Variants in SLC16A6 observed in about 807,000 individuals in gnomAD.
SLC16A6 encodes the protein monocarboxylate transporter 7.
SLC16A6 carries 15 observed loss-of-function variants against 33.8 expected under a neutral mutation model. The observed-to-expected ratio is 0.44, with a 90% CI of 0.30 to 0.68. The LOEUF is 0.68. Ranked by LOEUF, SLC16A6 falls within the 30% of genes least tolerant of loss-of-function variation. The pLI, the probability that SLC16A6 is intolerant of heterozygous loss-of-function variation, is 0.10. For synonymous variants in SLC16A6, 219 were observed against 248.4 expected, an observed-to-expected ratio of 0.88 and a Z score of 1.11; for missense variants, 451 against 661.5, an observed-to-expected ratio of 0.68 and a Z score of 3.49.
At chr17:68,277,721 G>A (rs542293708) in intron 2 of SLC16A6, among the ~76,000 whole-genome samples, 11 of 152,250 alleles carry the variant, frequency 7.2e-5, no homozygotes, top group Middle Eastern at 3.4e-3. Flanking sequence ...CACTGTGCCC[G>A]GCCATCAGCA....
rs1555748686 is a variant in SLC16A6 at position 68,271,458 on chromosome 17, T to C, written c.702A>G (p.Ser234=). 1 of 1,614,194 alleles carries C rather than the reference T, an allele frequency of 6.2e-7. No individual in the cohort carries two copies. The highest frequency in any genetic ancestry group is 1.7e-5 in the Admixed American group (1 of 60,020). The change falls in exon 5 of 6, where the codon TCA becomes TCG. Residue 234 remains serine, a synonymous_variant. Coordinates refer to ENST00000580666, the MANE Select transcript of SLC16A6 (RefSeq NM_004694.5). The surrounding 1 kb of genome is among the most constrained non-coding windows in gnomAD (Gnocchi z 5.3). The part of the protein sequence containing the change: ...YMLENEKTRT[S]IDSIDSGVEL... ...CTACTCCTGAGTCAATGGAGTCTAT[T>C]GAGGTTCGTGTTTTCTCATTTTCAA... is the stretch of plus-strand genomic sequence containing the variant.
rs150563882 is a variant in SLC16A6, at chr17:68,289,274, G to C, written c.-8+1812C>G. 3.4e-3 allele frequency among the ~76,000 whole-genome samples: 521 copies of C among 152,238 alleles called. 2 individuals carry two copies. The highest frequency in any genetic ancestry group is 0.012 in the African/African-American group (499 of 41,538). ...GATGACGCTACTGCACTCCCATGATGGGAGTGAGACCCTGCCTCTAAACAA... is the reference window on the plus strand; with the variant it reads ...GATGACGCTACTGCACTCCCATGATCGGAGTGAGACCCTGCCTCTAAACAA... On this transcript the variant is annotated intron_variant, in intron 1 of 5. Coordinates refer to ENST00000580666, the MANE Select transcript of SLC16A6 (RefSeq NM_004694.5).
At chr17:68,278,373 G>A in intron 1 of SLC16A6, 46 bp from the exon 2 acceptor site, 5 of 1,242,920 alleles carry the variant, frequency 4.0e-6, no homozygotes, top group African/African-American at 1.5e-5. Flanking sequence ...ATAGCATGAG[G>A]ATCGATGATT....
intron 2 of SLC16A6, 175 bp from the exon 3 acceptor site, chr17:68,274,245 C>T (rs1367485424): frequency 5.3e-6 from 3 of 566,310 alleles, no homozygotes; most frequent in East Asian, 3.0e-5. Flanking sequence ...GACGGAGGAT[C>T]GCTTGAGCCC....
At chr17:68,275,205 C>A (rs1360619505) in intron 2 of SLC16A6, among the ~76,000 whole-genome samples, 1 of 152,166 alleles carries the variant, frequency 6.6e-6, no homozygotes, top group Non-Finnish European at 1.5e-5. Context: ...GCTGTATCCC[C>A]TAGGACATTT....
rs1440786458 is a variant in SLC16A6, at chr17:68,272,734, A to G, written c.410T>C (p.Val137Ala). ...LGYCFSFLPT[V>A]TILSQYFGKR... Reference sequence around the variant, plus strand: ...GCCAAAATATTGTGATAGGATGGTTACAGTTGGGAGAAAACTAAAGCAGTA... The same window carrying G: ...GCCAAAATATTGTGATAGGATGGTTGCAGTTGGGAGAAAACTAAAGCAGTA... The change falls in exon 4 of 6, where the codon GTA becomes GCA. Residue 137 changes from valine to alanine, a missense_variant. This residue lies in a region of SLC16A6 where 405 missense variants were observed against 510.7 expected (regional missense o/e 0.79). Coordinates refer to ENST00000580666, the MANE Select transcript of SLC16A6 (RefSeq NM_004694.5). 6.2e-7 allele frequency: 1 copy of G among 1,614,070 alleles called. No individual in the cohort carries two copies. Among genetic ancestry groups the G allele is most frequent in the Non-Finnish European group, 8.5e-7 (1 of 1,180,000 alleles).
At position 68,271,578 on chromosome 17, in the gene SLC16A6, G is replaced by A. The variant is rs2075341549; in HGVS notation, c.582C>T (p.Val194=). 6.2e-7 allele frequency: 1 copy of A among 1,614,064 alleles called. No individual in the cohort carries two copies. The highest frequency in any genetic ancestry group is 1.3e-5 in the African/African-American group (1 of 74,940). ...LFVGLLQLNI[V]IFGALLRPIF... Reference sequence around the variant, plus strand: ...TGGGTCTGAGCAGTGCTCCGAAGATGACAATGTTTAACTGTAGTAGGCCCA... The same window carrying A: ...TGGGTCTGAGCAGTGCTCCGAAGATAACAATGTTTAACTGTAGTAGGCCCA... Residue 194 remains valine (V), a synonymous_variant, in exon 5 of 6, where the codon GTC becomes GTT. Coordinates refer to ENST00000580666, the MANE Select transcript of SLC16A6 (RefSeq NM_004694.5). The surrounding 1 kb of genome is among the most constrained non-coding windows in gnomAD (Gnocchi z 5.3).
chr17:68,278,436 T>G (rs2075593520), intron 1 of SLC16A6, 109 bp from the exon 2 acceptor site: 1 of 655,388 alleles, frequency 1.5e-6, no homozygotes, highest in South Asian at 2.0e-5. Context: ...ATTTCTTAAG[T>G]TGTTGAATAT....
In SLC16A6 at chr17:68,267,528, G is replaced by A. The variant is rs1158419308; in HGVS notation, c.*1568C>T. On this transcript the variant is annotated 3_prime_UTR_variant, in exon 6 of 6. Coordinates refer to ENST00000580666, the MANE Select transcript of SLC16A6 (RefSeq NM_004694.5). ...AGTGCAGAGAAATATTCAAGCTTGT[G>A]TGTACCTGTAACCAAACTAGGCTTG... 1 of 152,190 alleles carries A rather than the reference G, an allele frequency of 6.6e-6. No homozygotes were observed. Among genetic ancestry groups the A allele is most frequent in the Non-Finnish European group, 1.5e-5 (1 of 68,036 alleles). The allele number at this position is 152,190 out of a possible 1,614,324, so 9.4% of individuals were successfully genotyped here.
At position 68,271,293 on chromosome 17, in the gene SLC16A6, C is replaced by G. The variant is rs2075331306; in HGVS notation, c.867G>C (p.Leu289Phe). The G allele has an allele frequency of 6.2e-7, 1 of 1,614,090 alleles. No individual in the cohort carries two copies. The highest frequency in any genetic ancestry group is 1.3e-5 in the African/African-American group (1 of 74,922). The stretch of plus-strand genomic sequence containing the variant: ...CATAACAAATAAAACTTTTCTCTTT[C>G]AAAATGGAGAAGTCTAATAGCGGGG... Reference protein sequence around the residue: ...KKAPLLDFSILKEKSFICYAL... With the variant: ...KKAPLLDFSIFKEKSFICYAL... Residue 289 changes from leucine to phenylalanine, a missense_variant, in exon 5 of 6, where the codon TTG (leucine) becomes TTC (phenylalanine). Transcript: ENST00000580666. The surrounding 1 kb of genome is among the most constrained non-coding windows in gnomAD (Gnocchi z 5.3).
Position 68,271,102 on chromosome 17 carries a change from C to T in SLC16A6, c.1058G>A (p.Arg353Lys). 6.2e-7 allele frequency: 1 copy of T among 1,614,172 alleles called. No homozygotes were observed. The highest frequency in any genetic ancestry group is 8.5e-7 in the Non-Finnish European group (1 of 1,180,038). Residue 353 changes from arginine to lysine, a missense_variant, in exon 5 of 6, where the codon AGG becomes AAG. Arg to Lys is a conservative substitution (Grantham distance 26, BLOSUM62 2). Transcript: ENST00000580666. The surrounding 1 kb of genome is among the most constrained non-coding windows in gnomAD (Gnocchi z 5.3). ...GRIGAGFVLN[R>K]EPIRKIYIEL... Reference sequence around the variant, plus strand: ...AATGTAAATCTTACGAATGGGCTCCCTGTTGAGGACAAAACCAGCTCCGAT... The same window carrying T: ...AATGTAAATCTTACGAATGGGCTCCTTGTTGAGGACAAAACCAGCTCCGAT...
intron 1 of SLC16A6, among the ~76,000 whole-genome samples, chr17:68,280,349 A>G (rs1382697572): frequency 6.6e-6 from 1 of 152,176 alleles, no homozygotes; most frequent in Non-Finnish European, 1.5e-5. Context: ...CCTGAAAAAA[A>G]GAACAAAGCT....
chr17:68,277,947 A>C (rs1211209169), intron 2 of SLC16A6, 142 bp downstream of exon 2: 5 of 610,598 alleles, frequency 8.2e-6, no homozygotes, highest in Non-Finnish European at 1.4e-5. Flanking sequence ...TGCTCTGAAA[A>C]CCCTGTTAGT....
chr17:68,291,364 C>G (rs1306985326), upstream of SLC16A6: 37 of 149,274 alleles, frequency 2.5e-4, no homozygotes, highest in African/African-American at 9.1e-4. Context: ...GCCCCGGCCC[C>G]GCGTCGCTGC....
At chr17:68,285,371 T>C (rs1375423922) in intron 1 of SLC16A6, among the ~76,000 whole-genome samples, 2 of 152,194 alleles carry the variant, frequency 1.3e-5, no homozygotes, top group Non-Finnish European at 2.9e-5. Context: ...CACTGCAGCC[T>C]CAAAACTCCT....
chr17:68,267,866 C>T lies in SLC16A6; in HGVS notation c.*1230G>A, dbSNP rs1207688013. 1.3e-5 allele frequency: 2 copies of T among 152,154 alleles called. No individual in the cohort carries two copies. The highest frequency in any genetic ancestry group is 4.1e-4 in the South Asian group (2 of 4,830). 9.4% of individuals were successfully genotyped at this position (152,154 alleles called of 1,614,324 possible). On this transcript the variant is annotated 3_prime_UTR_variant, in exon 6 of 6. Coordinates refer to ENST00000580666, the MANE Select transcript of SLC16A6 (RefSeq NM_004694.5). ...AAGATGTAAATTGCAACTTGTAACT[C>T]GCTATAACATAATTGTCTCTGTTAC... is the stretch of plus-strand genomic sequence containing the variant.
At chr17:68,277,170 C>T (rs373933565) in intron 2 of SLC16A6, among the ~76,000 whole-genome samples, 8 of 151,970 alleles carry the variant, frequency 5.3e-5, no homozygotes, top group African/African-American at 7.2e-5. Flanking sequence ...CTCACACTGT[C>T]GCCCAGGCTG....
At chr17:68,285,791 T>C (rs1462361127) in intron 1 of SLC16A6, 1 of 152,034 alleles carries the variant, frequency 6.6e-6, no homozygotes, top group African/African-American at 2.4e-5. Flanking sequence ...ATTTATGTTT[T>C]GAGATGGAGT....
intron 1 of SLC16A6, among the ~76,000 whole-genome samples, chr17:68,283,476 G>C (rs559776243): frequency 1.3e-5 from 2 of 149,644 alleles, no homozygotes; most frequent in Non-Finnish European, 1.5e-5. Flanking sequence ...AGCCGAGATC[G>C]CGCCACTGCA....
Sources: gnomAD v4.1 joint callset for allele counts (sites outside exome capture counted in the v4.1 genomes callset) on GRCh38, gnomAD v4.1.1 for gene constraint, gnomAD v4.1.1 regional missense constraint, Gnocchi (gnomAD v3.1) non-coding constraint, MANE v1.5 for transcripts, NCBI Gene and HGNC (gene_info 2026-07-23, HGNC 2026-07-21) for gene names.